The following GRM5 variants were observed in gnomAD, a reference collection of about 807,000 sequenced individuals.
The protein encoded by GRM5 is metabotropic glutamate receptor 5.
GRM5 carries 19 observed loss-of-function variants against 83.1 expected under a neutral mutation model. That is an observed-to-expected ratio of 0.23 (90% CI 0.16 to 0.34). The LOEUF (loss-of-function observed/expected upper bound fraction) is 0.34. Among genes scored for constraint, GRM5 ranks in the 10% least tolerant of loss-of-function variants. The pLI is 1.00. For synonymous variants in GRM5, 675 were observed against 633.6 expected (o/e 1.07, Z -0.98); for missense variants, 1,160 against 1,588.3 (o/e 0.73, Z 4.58).
At chr11:88,936,881 T>C (rs4121827) in intron 2 of GRM5, among the ~76,000 whole-genome samples, 23,282 of 151,650 alleles carry the variant, frequency 0.15, 2,418 homozygotes, top group Non-Finnish European at 0.24. Flanking sequence ...AGCCTGGACA[T>C]AGTTTATGAA....
At chr11:88,979,558 T>TC (rs1338242076) in intron 2 of GRM5, among the ~76,000 whole-genome samples, 1 of 152,210 alleles carries the variant, frequency 6.6e-6, no homozygotes, top group Non-Finnish European at 1.5e-5. Context: ...TTATTGCTGA[T>TC]CTGTTTTGTG....
intron 4 of GRM5, among the ~76,000 whole-genome samples, chr11:88,615,148 C>T (rs939939232): frequency 1.3e-5 from 2 of 152,012 alleles, no homozygotes; most frequent in Non-Finnish European, 2.9e-5. Flanking sequence ...TATTATTGAG[C>T]ATCTGGGAAC....
intron 3 of GRM5, among the ~76,000 whole-genome samples, chr11:88,844,604 C>T (rs1449527800): frequency 1.3e-5 from 2 of 152,140 alleles, no homozygotes. Flanking sequence ...CCATAACTGT[C>T]ATAGATGGTA....
intron 2 of GRM5, among the ~76,000 whole-genome samples, chr11:88,880,234 G>A (rs577072932): frequency 4.6e-5 from 7 of 151,930 alleles, no homozygotes; most frequent in African/African-American, 1.4e-4. Flanking sequence ...GGAAAAAGAA[G>A]GTCTTAACAG....
At chr11:88,865,349 C>A (rs1944643962) in intron 2 of GRM5, among the ~76,000 whole-genome samples, 1 of 152,106 alleles carries the variant, frequency 6.6e-6, no homozygotes, top group Non-Finnish European at 1.5e-5. Context: ...GGAAAACTGG[C>A]TAGCCTTATG....
At chr11:88,871,395 T>C (rs1003926140) in intron 2 of GRM5, among the ~76,000 whole-genome samples, 25 of 151,624 alleles carry the variant, frequency 1.6e-4, no homozygotes, top group African/African-American at 6.0e-4. Context: ...GAGACCTACA[T>C]GCATCTAAGA....
chr11:88,716,711 T>C (rs1396952733), intron 3 of GRM5, among the ~76,000 whole-genome samples: 3 of 152,000 alleles, frequency 2.0e-5, no homozygotes, highest in Non-Finnish European at 2.9e-5. Flanking sequence ...CAGGTGACAT[T>C]AGTCTCATTT....
chr11:89,053,682 CAA>C (rs56034890), intron 1 of GRM5, among the ~76,000 whole-genome samples: 66,306 of 148,060 alleles, frequency 0.45, 15,194 homozygotes, highest in African/African-American at 0.59. Flanking sequence ...TGTTTAAAAG[CAA>C]AAAAAAAAAA....
chr11:89,011,609 C>T (rs1295018131), intron 2 of GRM5, among the ~76,000 whole-genome samples: 12 of 152,128 alleles, frequency 7.9e-5, no homozygotes, highest in South Asian at 2.1e-4. Context: ...ACACTGATTA[C>T]GTGAAATCTG....
At chr11:88,840,623 T>A (rs934957864) in intron 3 of GRM5, among the ~76,000 whole-genome samples, 3 of 152,194 alleles carry the variant, frequency 2.0e-5, no homozygotes, top group African/African-American at 4.8e-5. Context: ...GCTTTTTCCA[T>A]AACAACAATT....
chr11:88,720,455 G>C lies in GRM5; in HGVS notation c.912-67052C>G, dbSNP rs577922027. ...TCTGGTACAAGGTAACTTGAGATAGGAGTTGCCTGCGAGCCAGCCTTTTAC... is the reference window on the plus strand; with the variant it reads ...TCTGGTACAAGGTAACTTGAGATAGCAGTTGCCTGCGAGCCAGCCTTTTAC... On this transcript the variant is annotated intron_variant, in intron 3 of 9. Coordinates refer to ENST00000305447, the MANE Select transcript of GRM5 (RefSeq NM_001143831.3). Among the ~76,000 whole-genome samples, 3 of 152,120 alleles carry C rather than the reference G, an allele frequency of 2.0e-5. No individual in the cohort carries two copies. The South Asian group carries it at 6.2e-4, about 32-fold the overall frequency.
chr11:88,627,064 C>T (rs1003813294), intron 4 of GRM5, among the ~76,000 whole-genome samples: 10 of 152,204 alleles, frequency 6.6e-5, no homozygotes, highest in African/African-American at 2.4e-4. Flanking sequence ...TTCATAGGTA[C>T]TATTCCATGT....
chr11:88,729,738 T>C (rs1431175122), intron 3 of GRM5, among the ~76,000 whole-genome samples: 1 of 152,194 alleles, frequency 6.6e-6, no homozygotes, highest in African/African-American at 2.4e-5. Flanking sequence ...TACAGCCATC[T>C]GATCTTTCTT....
intron 3 of GRM5, among the ~76,000 whole-genome samples, chr11:88,658,295 C>T (rs1939818862): frequency 1.3e-5 from 2 of 152,130 alleles, no homozygotes; most frequent in South Asian, 4.1e-4. Context: ...GGGAATCATA[C>T]AATGGTTCTT....
At chr11:88,592,550 A>G (rs1473434042) in intron 6 of GRM5, among the ~76,000 whole-genome samples, 1 of 152,092 alleles carries the variant, frequency 6.6e-6, no homozygotes, top group African/African-American at 2.4e-5. Context: ...AAATACCTTG[A>G]TTTCTTATGG....
chr11:88,884,984 A>C (rs1004665034), intron 2 of GRM5, among the ~76,000 whole-genome samples: 72 of 152,300 alleles, frequency 4.7e-4, no homozygotes, highest in African/African-American at 1.6e-3. Flanking sequence ...AAAATTGAAT[A>C]ATATTTCCAC....
chr11:88,822,291 A>G (rs1466798526), intron 3 of GRM5, among the ~76,000 whole-genome samples: 1 of 152,202 alleles, frequency 6.6e-6, no homozygotes, highest in Non-Finnish European at 1.5e-5. Context: ...TACATAGTTG[A>G]GCTTATGATC....
intron 4 of GRM5, among the ~76,000 whole-genome samples, chr11:88,643,498 G>A (rs1939353730): frequency 6.6e-6 from 1 of 152,076 alleles, no homozygotes; most frequent in African/African-American, 2.4e-5. Flanking sequence ...ATATGGAACA[G>A]GATCCCTTCT....
chr11:88,911,066 A>G (rs1271688749), intron 2 of GRM5, among the ~76,000 whole-genome samples: 2 of 152,158 alleles, frequency 1.3e-5, no homozygotes, highest in Admixed American at 1.3e-4. Context: ...TGCTTTGTAA[A>G]TAAGAATATA....
Sources: allele counts gnomAD v4.1 joint callset (sites outside exome capture counted in the v4.1 genomes callset), GRCh38; gene constraint gnomAD v4.1.1; transcripts MANE v1.5; gene names NCBI Gene and HGNC (gene_info 2026-07-23, HGNC 2026-07-21).